Variants in STARD3NL observed in about 807,000 individuals in gnomAD.
The protein encoded by STARD3NL is STARD3 N-terminal-like protein.
In STARD3NL, 17 loss-of-function variants were observed where a neutral mutation model predicts 30.9. The ratio of observed to expected loss-of-function variants is 0.55; its 90% CI spans 0.38 to 0.82. The LOEUF (loss-of-function observed/expected upper bound fraction) is 0.82, where lower values mean the gene tolerates loss of function less well. Ranked by LOEUF, STARD3NL falls within the 40% of genes least tolerant of loss-of-function variation. The pLI is 0.00. For missense variants in STARD3NL, 234 were observed against 277.6 expected (o/e 0.84, Z 1.12); for synonymous variants, 112 against 100.5 (o/e 1.11, Z -0.69).
chr7:38,225,784 G>A (rs541778584), intron 7 of STARD3NL, among the ~76,000 whole-genome samples: 1 of 152,076 alleles, frequency 6.6e-6, no homozygotes, highest in African/African-American at 2.4e-5. Context: ...AATTGCTTTA[G>A]TGATATCACA....
intron 6 of STARD3NL, among the ~76,000 whole-genome samples, 169 bp from the exon 7 acceptor site, chr7:38,219,396 T>G (rs1051843119): frequency 1.3e-5 from 2 of 152,216 alleles, no homozygotes; most frequent in African/African-American, 4.8e-5. Context: ...TACAGTATTG[T>G]TTGTCATTTG....
intron 7 of STARD3NL, among the ~76,000 whole-genome samples, chr7:38,221,848 G>C (rs1470481605): frequency 6.6e-6 from 1 of 152,084 alleles, no homozygotes; most frequent in East Asian, 1.9e-4. Context: ...TGTGCTCTAG[G>C]GCCCTCCAGC....
intron 7 of STARD3NL, among the ~76,000 whole-genome samples, chr7:38,227,802 G>A (rs1446220100): frequency 1.3e-5 from 2 of 151,982 alleles, no homozygotes; most frequent in Non-Finnish European, 2.9e-5. Context: ...TTCCTTCTTG[G>A]GGTGTGTGTA....
intron 1 of STARD3NL, among the ~76,000 whole-genome samples, chr7:38,196,741 C>A (rs907046294): frequency 2.0e-5 from 3 of 151,886 alleles, no homozygotes; most frequent in African/African-American, 7.3e-5. Flanking sequence ...TGGTTTTTAC[C>A]CAGATTTCTC....
intron 1 of STARD3NL, among the ~76,000 whole-genome samples, chr7:38,194,478 C>T (rs1044897436): frequency 2.0e-5 from 3 of 151,884 alleles, no homozygotes; most frequent in African/African-American, 7.2e-5. Context: ...AGAATAGTTG[C>T]AGCTTTCTAA....
intron 8 of STARD3NL, 33 bp from the exon 9 acceptor site, chr7:38,229,890 A>C (rs552085749): frequency 6.6e-6 from 1 of 152,150 alleles, no homozygotes; most frequent in East Asian, 1.9e-4. Context: ...AATGCTATTT[A>C]TTAAATACTT....
intron 1 of STARD3NL, among the ~76,000 whole-genome samples, chr7:38,196,996 A>C (rs1784925591): frequency 6.6e-6 from 1 of 152,158 alleles, no homozygotes; most frequent in African/African-American, 2.4e-5. Flanking sequence ...GGCTTTATGA[A>C]ACTTTTCCTG....
At chr7:38,182,904 G>A (rs1784307398) in intron 1 of STARD3NL, among the ~76,000 whole-genome samples, 2 of 152,104 alleles carry the variant, frequency 1.3e-5, no homozygotes, top group Non-Finnish European at 2.9e-5. Context: ...ATCTGGCCCA[G>A]GACCTTTCAT....
intron 1 of STARD3NL, chr7:38,179,123 C>G (rs913917301): frequency 6.6e-6 from 1 of 152,158 alleles, no homozygotes; most frequent in Admixed American, 6.5e-5. Context: ...TGACACAGTA[C>G]TAGTTTGGAT....
intron 6 of STARD3NL, among the ~76,000 whole-genome samples, chr7:38,217,989 G>A (rs1786223267): frequency 6.6e-6 from 1 of 152,146 alleles, no homozygotes; most frequent in South Asian, 2.1e-4. Flanking sequence ...TCTCATCATG[G>A]CTTTCAATAT....
chr7:38,184,651 C>T (rs1476995927), intron 1 of STARD3NL, among the ~76,000 whole-genome samples: 2 of 137,512 alleles, frequency 1.5e-5, no homozygotes, highest in Admixed American at 7.3e-5. Flanking sequence ...AGTATATAAC[C>T]GATATAGTAT....
chr7:38,198,445 T>C (rs1350905897), intron 1 of STARD3NL: 2 of 152,196 alleles, frequency 1.3e-5, no homozygotes, highest in Non-Finnish European at 2.9e-5. Flanking sequence ...AAATAATTAA[T>C]TAAAATGTTA....
chr7:38,180,045 A>T (rs1784185660), intron 1 of STARD3NL, among the ~76,000 whole-genome samples: 1 of 152,228 alleles, frequency 6.6e-6, no homozygotes, highest in Non-Finnish European at 1.5e-5. Context: ...CAGGGATTGG[A>T]TCATCTTGTA....
intron 1 of STARD3NL, among the ~76,000 whole-genome samples, chr7:38,193,439 C>T (rs1284648432): frequency 6.6e-6 from 1 of 152,104 alleles, no homozygotes; most frequent in Non-Finnish European, 1.5e-5. Flanking sequence ...GCAGGGACTA[C>T]AGGCGCCCAC....
intron 7 of STARD3NL, among the ~76,000 whole-genome samples, chr7:38,220,788 A>G (rs1583826898): frequency 6.6e-6 from 1 of 152,234 alleles, no homozygotes; most frequent in Admixed American, 6.5e-5. Context: ...TGTACATCCA[A>G]TGGAATATTA....
intron 1 of STARD3NL, among the ~76,000 whole-genome samples, chr7:38,199,842 A>G (rs1236691743): frequency 6.6e-6 from 1 of 152,252 alleles, no homozygotes; most frequent in Non-Finnish European, 1.5e-5. Context: ...CAAGAGCCAC[A>G]TGTGATATTG....
rs778290454 is a variant in STARD3NL, at chr7:38,207,738, G to T, written c.225+9G>T. On this transcript the variant is annotated intron_variant, in intron 2 of 8. Transcript: ENST00000009041. ...GGATAATAGAGTTAAATGTAAGTTG[G>T]TGGTTCTTTCATAACTTTTTAAGAA... is the stretch of plus-strand genomic sequence containing the variant. 1 of 1,611,504 alleles carries T rather than the reference G, an allele frequency of 6.2e-7. No homozygotes were observed. Among genetic ancestry groups the T allele is most frequent in the South Asian group, 1.1e-5 (1 of 90,858 alleles).
chr7:38,226,729 T>C (rs1052841550), intron 7 of STARD3NL, among the ~76,000 whole-genome samples: 5 of 152,208 alleles, frequency 3.3e-5, no homozygotes, highest in African/African-American at 1.2e-4. Context: ...CCCAGAGTAG[T>C]TGGCCCTTTC....
At chr7:38,181,351 A>G (rs952632122) in intron 1 of STARD3NL, among the ~76,000 whole-genome samples, 18 of 152,206 alleles carry the variant, frequency 1.2e-4, no homozygotes, top group African/African-American at 4.3e-4. Context: ...CCCTTAGGTC[A>G]GTGATATAAC....
Sources: allele counts gnomAD v4.1 joint callset (sites outside exome capture counted in the v4.1 genomes callset), GRCh38; gene constraint gnomAD v4.1.1; transcripts MANE v1.5; gene names NCBI Gene and HGNC (gene_info 2026-07-23, HGNC 2026-07-21).